B4GALNT2: variants seen among roughly 807,000 people sequenced by gnomAD.
The protein encoded by B4GALNT2 is N-acetylneuraminylgalactosylglucosyl-glucoside beta-1,4-N- acetylgalactosaminyltransferase 2.
In B4GALNT2, 42 loss-of-function variants were observed where a neutral mutation model predicts 51.1. The observed-to-expected ratio is 0.82, with a 90% CI of 0.64 to 1.06. B4GALNT2 has a LOEUF of 1.06. Among genes scored for constraint, B4GALNT2 ranks in the 50% least tolerant of loss-of-function variants. The probability of loss-of-function intolerance (pLI) is 0.00; values close to 1 mark genes in which losing one functional copy is unlikely to be tolerated. For synonymous variants in B4GALNT2, 253 were observed against 251.7 expected (o/e 1.01, Z -0.05); for missense variants, 602 against 633.6 (o/e 0.95, Z 0.54).
intron 7 of B4GALNT2, among the ~76,000 whole-genome samples, chr17:49,162,740 C>T (rs1368922229): frequency 6.6e-6 from 1 of 151,656 alleles, no homozygotes; most frequent in Non-Finnish European, 1.5e-5. Context: ...GAAAACCCAT[C>T]TCTACTAAAA....
At chr17:49,153,826 T>C (rs932720643) in intron 4 of B4GALNT2, among the ~76,000 whole-genome samples, 1 of 151,164 alleles carries the variant, frequency 6.6e-6, no homozygotes, top group African/African-American at 2.4e-5. Flanking sequence ...TTTCATTTCA[T>C]GTTAGCCTTA....
In B4GALNT2 at chr17:49,159,096, G is replaced by C; in HGVS notation, c.558G>C (p.Val186=). 6.2e-7 allele frequency: 1 copy of C among 1,614,244 alleles called. No homozygotes were observed. Among genetic ancestry groups the C allele is most frequent in the Non-Finnish European group, 8.5e-7 (1 of 1,180,044 alleles). The change falls in exon 6 of 11, where the codon GTG becomes GTC. Residue 186 remains valine (V), a synonymous_variant. Coordinates refer to ENST00000393354, the MANE Select transcript of B4GALNT2 (RefSeq NM_001159387.2). ...CCCTTGCTGATGTCCCAGACAGTGT[G>C]GTGCAGGGCAGAGGCCAGAAGCAGC... is the stretch of plus-strand genomic sequence containing the variant. ...LNTLADVPDS[V]VQGRGQKQLI...
At chr17:49,133,706 A>C (rs1307856730) in intron 1 of B4GALNT2, among the ~76,000 whole-genome samples, 1 of 152,106 alleles carries the variant, frequency 6.6e-6, no homozygotes, top group African/African-American at 2.4e-5. Flanking sequence ...TGAGGTCAGG[A>C]GTTCAAGACC....
chr17:49,151,686 C>A (rs150895955), intron 3 of B4GALNT2, among the ~76,000 whole-genome samples: 8,299 of 150,322 alleles, frequency 0.055, 266 homozygotes, highest in Middle Eastern at 0.076. Context: ...GCAGAGGTTG[C>A]AGTGAGCTGA....
In B4GALNT2 at chr17:49,152,893, G is replaced by A. The variant is rs574625887; in HGVS notation, c.447G>A (p.Thr149=). 4.0e-5 allele frequency: 64 copies of A among 1,609,638 alleles called. 1 individual carries two copies. The Middle Eastern group carries it at 6.6e-4, about 17-fold the overall frequency. ...GAGTGGAGGTGATGCCCCTGCACAC[G>A]GTTCCCATCCCAGGTAAGTACATCC... ...VHGVEVMPLH[T]VPIPGLQFEG... Residue 149 remains threonine (T), a synonymous_variant, in exon 4 of 11, where the codon ACG becomes ACA. Transcript: ENST00000393354.
chr17:49,126,400 A>C, the B4GALNT2 span, among the ~76,000 whole-genome samples: 1 of 150,824 alleles, frequency 6.6e-6, no homozygotes, highest in Non-Finnish European at 1.5e-5. Flanking sequence ...AAAACCAGAG[A>C]CCTTTGTTCA....
intron 3 of B4GALNT2, among the ~76,000 whole-genome samples, chr17:49,144,831 G>A (rs1425138055): frequency 1.3e-5 from 2 of 152,108 alleles, no homozygotes; most frequent in African/African-American, 2.4e-5. Context: ...ATGATCACAA[G>A]GTCCCACAAC....
At chr17:49,138,565 GATCATTGCGTGGAGTA>G (rs2042611213) in intron 1 of B4GALNT2, among the ~76,000 whole-genome samples, 1 of 152,182 alleles carries the variant, frequency 6.6e-6, no homozygotes, top group Non-Finnish European at 1.5e-5. Flanking sequence ...TATCTCATCT[GATCATTGCGTGGAGTA>G]ATCAAACTTC....
upstream of B4GALNT2, among the ~76,000 whole-genome samples, chr17:49,129,450 A>G (rs559817589): frequency 6.6e-6 from 1 of 152,344 alleles, no homozygotes; most frequent in South Asian, 2.1e-4. Flanking sequence ...TGGGATGAGC[A>G]GCTGCTGTCC....
upstream of B4GALNT2, among the ~76,000 whole-genome samples, chr17:49,129,008 G>C (rs137878106): frequency 6.6e-6 from 1 of 152,316 alleles, no homozygotes; most frequent in Non-Finnish European, 1.5e-5. Flanking sequence ...AGTCCCACTG[G>C]TTCTCTGAAG....
the B4GALNT2 span, among the ~76,000 whole-genome samples, chr17:49,126,360 T>C: frequency 1.3e-5 from 2 of 152,108 alleles, no homozygotes; most frequent in African/African-American, 4.8e-5. Flanking sequence ...ACACAAACAC[T>C]GCGGAAGGCT....
chr17:49,130,857 G>T (rs2042533969), upstream of B4GALNT2, among the ~76,000 whole-genome samples: 1 of 152,158 alleles, frequency 6.6e-6, no homozygotes, highest in African/African-American at 2.4e-5. Context: ...ACACTTCTAA[G>T]TTCCCTTAAT....
chr17:49,145,402 T>TA (rs2042685060), intron 3 of B4GALNT2, among the ~76,000 whole-genome samples: 1 of 152,144 alleles, frequency 6.6e-6, no homozygotes, highest in Non-Finnish European at 1.5e-5. Context: ...GAAAAGGAAA[T>TA]AAAATGAAGA....
intron 3 of B4GALNT2, among the ~76,000 whole-genome samples, chr17:49,150,963 T>C (rs918348169): frequency 8.5e-5 from 13 of 152,172 alleles, no homozygotes; most frequent in African/African-American, 2.9e-4. Flanking sequence ...CTTTTTCATA[T>C]TACCGTAAGT....
At chr17:49,166,299 T>C (rs1329711025) in intron 9 of B4GALNT2, 45 bp downstream of exon 9, 2 of 1,424,956 alleles carry the variant, frequency 1.4e-6, no homozygotes, top group Non-Finnish European at 1.9e-6. Flanking sequence ...TCTGTAGAGA[T>C]GGAGAAGAGG....
intron 7 of B4GALNT2, among the ~76,000 whole-genome samples, chr17:49,161,747 C>T (rs1227235448): frequency 1.3e-5 from 2 of 151,308 alleles, no homozygotes; most frequent in Non-Finnish European, 2.9e-5. Context: ...ATCCCAGCTA[C>T]TGGGGAGGCT....
Position 49,169,554 on chromosome 17 carries a change from C to G in B4GALNT2, c.1347C>G (p.Leu449=). 1 of 1,612,404 alleles carries G rather than the reference C, an allele frequency of 6.2e-7. No homozygotes were observed. The highest frequency in any genetic ancestry group is 8.5e-7 in the Non-Finnish European group (1 of 1,179,998). ...EFFIDGLGTL[L]VGSCPEVIIG... Reference sequence around the variant, plus strand: ...TCATTGATGGGCTAGGGACCCTACTCGTGGGGTCATGCCCAGAAGTGATTA... The same window carrying G: ...TCATTGATGGGCTAGGGACCCTACTGGTGGGGTCATGCCCAGAAGTGATTA... Residue 449 remains leucine, a synonymous_variant, in exon 11 of 11, where the codon CTC becomes CTG. Transcript: ENST00000393354.
intron 1 of B4GALNT2, chr17:49,133,119 C>T: frequency 6.6e-7 from 1 of 1,524,130 alleles, no homozygotes; most frequent in South Asian, 1.3e-5. Flanking sequence ...GTGTGGGAAT[C>T]GGCTCGGGAG....
intron 1 of B4GALNT2, 191 bp downstream of exon 1, chr17:49,132,997 C>A (rs1237990763): frequency 1.4e-6 from 2 of 1,449,944 alleles, no homozygotes; most frequent in African/African-American, 3.0e-5. Flanking sequence ...GGTGACGGCG[C>A]GTGCGGAACG....
Sources: gnomAD v4.1 joint callset for allele counts (sites outside exome capture counted in the v4.1 genomes callset) on GRCh38, gnomAD v4.1.1 for gene constraint, MANE v1.5 for transcripts, NCBI Gene and HGNC (gene_info 2026-07-23, HGNC 2026-07-21) for gene names.